The following ABCA6 variants were observed in gnomAD, a reference collection of about 807,000 sequenced individuals.
ABCA6 encodes ATP-binding cassette sub-family A member 6.
ABCA6 carries 164 observed loss-of-function variants against 191.2 expected under a neutral mutation model. The observed-to-expected ratio is 0.86, with a 90% CI of 0.76 to 0.98. The LOEUF is 0.98. Ranked by LOEUF, ABCA6 falls within the 50% of genes least tolerant of loss-of-function variation. The pLI, the probability that ABCA6 is intolerant of heterozygous loss-of-function variation, is 0.00. For missense variants in ABCA6, 1,958 were observed against 1,894.1 expected (o/e 1.03, Z -0.63); for synonymous variants, 636 against 647.7 (o/e 0.98, Z 0.27).
chr17:69,084,428 G>A lies in ABCA6; in HGVS notation c.4260+4C>T, dbSNP rs755057441. ...CTCCATAGAGCATCACACACCGCAC[G>A]TACCTTTCTCGTGATTCCTGCTGTT... On this transcript the variant is annotated splice_donor_region_variant and intron_variant, in intron 33 of 38. Transcript: ENST00000284425. 8.1e-6 allele frequency: 13 copies of A among 1,613,972 alleles called. No individual in the cohort carries two copies. Among genetic ancestry groups the A allele is most frequent in the Admixed American group, 5.0e-5 (3 of 60,000 alleles).
At position 69,114,909 on chromosome 17, in the gene ABCA6, G is replaced by C. The variant is rs771858355; in HGVS notation, c.1635C>G (p.Leu545=). 1 of 1,611,290 alleles carries C rather than the reference G, an allele frequency of 6.2e-7. No homozygotes were observed. The highest frequency in any genetic ancestry group is 2.2e-5 in the East Asian group (1 of 44,750). Residue 545 remains leucine (L), a synonymous_variant, in exon 13 of 39, where the codon CTC becomes CTG. Coordinates refer to ENST00000284425, the MANE Select transcript of ABCA6 (RefSeq NM_080284.3). ...EGSVTIYNKN[L]SEMQDLEEIR... ...TTTCCTCCAAGTCTTGCATTTCAGAGAGATTTTTATTATAGATGGTAACTG... is the reference window on the plus strand; with the variant it reads ...TTTCCTCCAAGTCTTGCATTTCAGACAGATTTTTATTATAGATGGTAACTG...
At position 69,083,342 on chromosome 17, in the gene ABCA6, C is replaced by A; in HGVS notation, c.4356-11G>T. 1.9e-6 allele frequency: 3 copies of A among 1,548,508 alleles called. No homozygotes were observed. The highest frequency in any genetic ancestry group is 2.3e-5 in the Admixed American group (1 of 43,674). ...GCCTGGATTGCCTGCCTGCAGTGAGCAAAAAAATTAACAGTATTTAAAATA... is the reference window on the plus strand; with the variant it reads ...GCCTGGATTGCCTGCCTGCAGTGAGAAAAAAAATTAACAGTATTTAAAATA... On this transcript the variant is annotated splice_polypyrimidine_tract_variant and intron_variant, in intron 34 of 38. Transcript: ENST00000284425.
Position 69,115,705 on chromosome 17 carries a change from T to G in ABCA6, c.1496-219A>C, listed in dbSNP as rs191738154. ...AATAATATGTTACTGGTGCAGGATA[T>G]AGTGACCAATGGAACAGAACAGAAG... On this transcript the variant is annotated intron_variant, in intron 11 of 38. Transcript: ENST00000284425. 8.5e-4 allele frequency: 296 copies of G among 349,596 alleles called. 1 individual carries two copies. Among genetic ancestry groups the G allele is most frequent in the Non-Finnish European group, 1.2e-3 (233 of 195,612 alleles). 21.7% of individuals were successfully genotyped at this position (349,596 alleles called of 1,614,324 possible). A position where few individuals can be genotyped will look rare whatever the true frequency, so the allele number is the denominator to read the frequency against.
intron 25 of ABCA6, among the ~76,000 whole-genome samples, chr17:69,093,081 A>C (rs975183015): frequency 6.6e-6 from 1 of 152,188 alleles, no homozygotes; most frequent in Non-Finnish European, 1.5e-5. Flanking sequence ...ATTTTTTAAC[A>C]TGAGGAATGA....
chr17:69,115,864 A>AT lies in ABCA6; in HGVS notation c.1496-379dup, dbSNP rs879560015. On this transcript the variant is annotated intron_variant, in intron 11 of 38. Coordinates refer to ENST00000284425, the MANE Select transcript of ABCA6 (RefSeq NM_080284.3). ...TACATTAACAAATTTTATGTTTGTAATTTTTTTTTTTTGTTACAGGATCTC... is the reference window on the plus strand; with the variant it reads ...TACATTAACAAATTTTATGTTTGTAATTTTTTTTTTTTTGTTACAGGATCTC... 3.0e-3 allele frequency: 450 copies of AT among 147,886 alleles called. 2 individuals are homozygous for AT. The highest frequency in any genetic ancestry group is 8.9e-3 in the African/African-American group (360 of 40,538). 9.2% of individuals were successfully genotyped at this position (147,886 alleles called of 1,614,324 possible). A position where few individuals can be genotyped will look rare whatever the true frequency, so the allele number is the denominator to read the frequency against.
chr17:69,109,950 T>C (rs2144666540), intron 17 of ABCA6: 1 of 152,236 alleles, frequency 6.6e-6, no homozygotes, highest in Middle Eastern at 3.4e-3. Context: ...ATGCTGATGC[T>C]AAGATCTAAC....
At chr17:69,090,121 C>T (rs2072892213) in intron 26 of ABCA6, among the ~76,000 whole-genome samples, 1 of 152,184 alleles carries the variant, frequency 6.6e-6, no homozygotes, top group Non-Finnish European at 1.5e-5. Flanking sequence ...GAGGAAAATG[C>T]TTTAAGCAAA....
intron 21 of ABCA6, 49 bp from the exon 22 acceptor site, chr17:69,100,983 C>T (rs2073167726): frequency 1.4e-6 from 2 of 1,471,262 alleles, no homozygotes; most frequent in Non-Finnish European, 1.8e-6. Context: ...TCTTAAAGAA[C>T]AAAGGCAAGG....
chr17:69,092,042 C>T (rs1042465290), intron 25 of ABCA6, among the ~76,000 whole-genome samples: 6 of 152,104 alleles, frequency 3.9e-5, no homozygotes, highest in African/African-American at 1.4e-4. Flanking sequence ...ATTTCTTCCC[C>T]ATTCCAAACA....
intron 15 of ABCA6, 61 bp from the exon 16 acceptor site, chr17:69,112,334 A>G: frequency 7.5e-7 from 1 of 1,341,886 alleles, no homozygotes; most frequent in South Asian, 1.2e-5. Flanking sequence ...TCTCTAGTAA[A>G]GAAAGACGAG....
At chr17:69,098,641 A>AAAC (rs1321974987) in intron 22 of ABCA6, 1 of 151,404 alleles carries the variant, frequency 6.6e-6, no homozygotes, top group East Asian at 1.9e-4. Context: ...AAAAAAAAAA[A>AAAC]AAAAAAGAAG....
In ABCA6 at chr17:69,081,115, G is replaced by C; in HGVS notation, c.4647C>G (p.Pro1549=). 1 of 1,602,806 alleles carries C rather than the reference G, an allele frequency of 6.2e-7. No homozygotes were observed. Among genetic ancestry groups the C allele is most frequent in the Non-Finnish European group, 8.5e-7 (1 of 1,174,452 alleles). The part of the protein sequence containing the change: ...RYSSLLTYKL[P]VADVYPLSQT... ...GTGATAGAGGGTAAACGTCTGCCACGGGCAGCTTATAGGTTAACAAAGAGG... is the reference window on the plus strand; with the variant it reads ...GTGATAGAGGGTAAACGTCTGCCACCGGCAGCTTATAGGTTAACAAAGAGG... The change falls in exon 37 of 39, where the codon CCC becomes CCG. Residue 1549 remains proline, a synonymous_variant. Coordinates refer to ENST00000284425, the MANE Select transcript of ABCA6 (RefSeq NM_080284.3).
At chr17:69,131,853 C>T (rs2073867451) in intron 6 of ABCA6, among the ~76,000 whole-genome samples, 1 of 152,154 alleles carries the variant, frequency 6.6e-6, no homozygotes, top group African/African-American at 2.4e-5. Flanking sequence ...ATAGAGTTGA[C>T]TCATGCCTCC....
At chr17:69,127,338 C>A (rs2073772646) in intron 8 of ABCA6, among the ~76,000 whole-genome samples, 1 of 151,786 alleles carries the variant, frequency 6.6e-6, no homozygotes, top group Non-Finnish European at 1.5e-5. Context: ...ATCACAGTTA[C>A]CATTAAGAGA....
intron 12 of ABCA6, 52 bp downstream of exon 12, chr17:69,115,324 A>C: frequency 2.5e-6 from 3 of 1,215,850 alleles, no homozygotes; most frequent in Non-Finnish European, 3.6e-6. Flanking sequence ...CATATGCTTG[A>C]CCTCATTCTA....
chr17:69,133,978 TA>T, intron 5 of ABCA6, 111 bp from the exon 6 acceptor site: 1 of 708,810 alleles, frequency 1.4e-6, no homozygotes. Flanking sequence ...TTTCTTACTG[TA>T]CTGTAGTTAT....
chr17:69,102,972 A>G lies in ABCA6; in HGVS notation c.2741-4T>C. On this transcript the variant is annotated splice_polypyrimidine_tract_variant and splice_region_variant and intron_variant, in intron 20 of 38. Coordinates refer to ENST00000284425, the MANE Select transcript of ABCA6 (RefSeq NM_080284.3). ...ATAAAATCTTCAATATTTGATTCTA[A>G]TATGAAGTTAATAAGAGAAGGCCAT... is the stretch of plus-strand genomic sequence containing the variant. The G allele has an allele frequency of 2.0e-6, 3 of 1,487,034 alleles. No individual in the cohort carries two copies. The highest frequency in any genetic ancestry group is 2.8e-6 in the Non-Finnish European group (3 of 1,083,340). 92.1% of individuals were successfully genotyped at this position (1,487,034 alleles called of 1,614,324 possible). A position where few individuals can be genotyped will look rare whatever the true frequency, so the allele number is the denominator to read the frequency against.
chr17:69,113,393 C>G, intron 14 of ABCA6, 33 bp from the exon 15 acceptor site: 1 of 1,569,694 alleles, frequency 6.4e-7, no homozygotes, highest in Non-Finnish European at 8.6e-7. Context: ...AAATATGTCT[C>G]TCTTTCACAT....
intron 2 of ABCA6, among the ~76,000 whole-genome samples, chr17:69,139,377 C>A (rs1337926868): frequency 6.6e-6 from 1 of 152,266 alleles, no homozygotes; most frequent in East Asian, 1.9e-4. Context: ...CAGAGAAATG[C>A]AAATCAAAAC....
Sources: allele counts gnomAD v4.1 joint callset (sites outside exome capture counted in the v4.1 genomes callset), GRCh38; gene constraint gnomAD v4.1.1; transcripts MANE v1.5; gene names NCBI Gene and HGNC (gene_info 2026-07-23, HGNC 2026-07-21).